Variants in ERBB4 observed in about 807,000 individuals in gnomAD.
The protein encoded by ERBB4 is receptor tyrosine-protein kinase erbB-4.
A neutral mutation model predicts 158.0 loss-of-function variants in ERBB4; 42 were observed. The ratio of observed to expected loss-of-function variants is 0.27; its 90% CI spans 0.21 to 0.34. The LOEUF is 0.34. ERBB4 is among the 10% of genes least tolerant of loss of function. The pLI is 1.00. For missense variants in ERBB4, 1,333 were observed against 1,624.1 expected (o/e 0.82, Z 3.08); for synonymous variants, 583 against 558.7 (o/e 1.04, Z -0.61).
At chr2:211,625,950 C>A (rs2069826175) in intron 17 of ERBB4, among the ~76,000 whole-genome samples, 1 of 152,090 alleles carries the variant, frequency 6.6e-6, no homozygotes, top group Non-Finnish European at 1.5e-5. Context: ...TCTTGGGTAT[C>A]ATTTAATATA....
rs929114975 is a variant in ERBB4 at position 211,771,684 on chromosome 2, C to T, written c.556+16341G>A. Among the ~76,000 whole-genome samples, 8 of 152,132 alleles carry T rather than the reference C, an allele frequency of 5.3e-5. No individual in the cohort carries two copies. The East Asian group carries it at 1.4e-3, about 26-fold the overall frequency. On this transcript the variant is annotated intron_variant, in intron 4 of 27. Transcript: ENST00000342788. Reference sequence around the variant, plus strand: ...CTAAGCTGCCCTACCCCTAAAGAGGCTAAAGTGATTGTTCTTTCTTGCGAA... The same window carrying T: ...CTAAGCTGCCCTACCCCTAAAGAGGTTAAAGTGATTGTTCTTTCTTGCGAA...
chr2:212,214,002 G>C (rs892616913), intron 1 of ERBB4, among the ~76,000 whole-genome samples: 1 of 151,860 alleles, frequency 6.6e-6, no homozygotes, highest in Non-Finnish European at 1.5e-5. Context: ...TGCAAGGACA[G>C]TGCTAGGACT....
chr2:211,737,738 T>C (rs1263668912), intron 5 of ERBB4, among the ~76,000 whole-genome samples: 1 of 152,188 alleles, frequency 6.6e-6, no homozygotes, highest in East Asian at 1.9e-4. Flanking sequence ...TAACATGCAG[T>C]GAACATTATA....
intron 1 of ERBB4, among the ~76,000 whole-genome samples, chr2:212,227,837 T>G (rs999479968): frequency 6.6e-6 from 1 of 151,270 alleles, no homozygotes; most frequent in African/African-American, 2.4e-5. Context: ...AAAAAAAAAG[T>G]CTTATGGGAA....
At chr2:211,466,017 T>C (rs1440628829) in intron 20 of ERBB4, among the ~76,000 whole-genome samples, 1 of 152,160 alleles carries the variant, frequency 6.6e-6, no homozygotes, top group African/African-American at 2.4e-5. Context: ...ATTAAGGTCT[T>C]GTTTGGAAGC....
At position 211,928,415 on chromosome 2, in the gene ERBB4, A is replaced by G. The variant is rs142662585; in HGVS notation, c.421+19015T>C. On this transcript the variant is annotated intron_variant, in intron 3 of 27. Transcript: ENST00000342788. ...GGCAACGTGAACACCAGAGGACTGC[A>G]CCTGTTTGTTCACTGTTATCAAATG... is the stretch of plus-strand genomic sequence containing the variant. 1.8e-3 allele frequency among the ~76,000 whole-genome samples: 280 copies of G among 152,242 alleles called. 1 individual carries two copies. Among genetic ancestry groups the G allele is most frequent in the Middle Eastern group, 0.01 (3 of 294 alleles).
intron 20 of ERBB4, among the ~76,000 whole-genome samples, chr2:211,560,343 C>T (rs1044410093): frequency 8.0e-6 from 1 of 124,696 alleles, no homozygotes; most frequent in African/African-American, 3.1e-5. Flanking sequence ...GGTGTGATCT[C>T]GGCTCACCAC....
chr2:211,780,103 T>C lies in ERBB4; in HGVS notation c.556+7922A>G, dbSNP rs577069446. ...AAGGCTGGGCGCAGTGGCTCATGCC[T>C]GTAATCTTAGCACTTTGTGAGGCTG... is the stretch of plus-strand genomic sequence containing the variant. On this transcript the variant is annotated intron_variant, in intron 4 of 27. Coordinates refer to ENST00000342788, the MANE Select transcript of ERBB4 (RefSeq NM_005235.3). Among the ~76,000 whole-genome samples the C allele has an allele frequency of 5.3e-5, 8 of 152,342 alleles. No individual in the cohort carries two copies. The South Asian group carries it at 1.7e-3, about 32-fold the overall frequency.
intron 1 of ERBB4, among the ~76,000 whole-genome samples, chr2:212,299,074 C>A (rs542368449): frequency 2.0e-5 from 3 of 151,732 alleles, no homozygotes; most frequent in Admixed American, 6.6e-5. Flanking sequence ...TCTCATTTAA[C>A]CCTCATTATA....
At chr2:212,128,614 C>A (rs1559552215) in intron 1 of ERBB4, among the ~76,000 whole-genome samples, 1 of 152,140 alleles carries the variant, frequency 6.6e-6, no homozygotes, top group Non-Finnish European at 1.5e-5. Context: ...TTGGCCCCAC[C>A]TGCTAAAATG....
chr2:212,238,934 A>G (rs1353525268), intron 1 of ERBB4, among the ~76,000 whole-genome samples: 1 of 152,324 alleles, frequency 6.6e-6, no homozygotes, highest in East Asian at 1.9e-4. Flanking sequence ...AATCTTCATG[A>G]AAAGAATAAT....
chr2:211,810,662 CTTTTTTTTT>C (rs59305629), intron 3 of ERBB4, among the ~76,000 whole-genome samples: 3 of 101,522 alleles, frequency 3.0e-5, no homozygotes, highest in South Asian at 3.6e-4. Flanking sequence ...CAGTCTCTGT[CTTTTTTTTT>C]TTTTTTTTTT....
chr2:211,826,735 C>T (rs898465518), intron 3 of ERBB4, among the ~76,000 whole-genome samples: 2 of 151,938 alleles, frequency 1.3e-5, no homozygotes, highest in African/African-American at 4.8e-5. Flanking sequence ...CAAAAGGATA[C>T]ACCAATATAA....
intron 2 of ERBB4, among the ~76,000 whole-genome samples, chr2:212,087,262 T>C (rs1331745281): frequency 6.8e-6 from 1 of 146,040 alleles, no homozygotes; most frequent in East Asian, 2.1e-4. Context: ...TTTTCCTATG[T>C]TGCTTAGAGA....
intron 19 of ERBB4, among the ~76,000 whole-genome samples, chr2:211,605,239 G>T (rs958438530): frequency 6.6e-6 from 1 of 152,142 alleles, no homozygotes; most frequent in Non-Finnish European, 1.5e-5. Flanking sequence ...GGGCAATGGT[G>T]CCTAAGCCCT....
chr2:211,717,366 C>A (rs368868292), intron 7 of ERBB4, among the ~76,000 whole-genome samples: 1 of 152,088 alleles, frequency 6.6e-6, no homozygotes, highest in South Asian at 2.1e-4. Context: ...GATGCAAAAT[C>A]TTTGCTGTCT....
intron 15 of ERBB4, among the ~76,000 whole-genome samples, chr2:211,659,439 C>T (rs760578716): frequency 6.6e-6 from 1 of 151,922 alleles, no homozygotes; most frequent in Non-Finnish European, 1.5e-5. Flanking sequence ...TCCAATTTGT[C>T]TTATATAGTT....
intron 3 of ERBB4, among the ~76,000 whole-genome samples, chr2:211,815,945 C>T (rs2076873055): frequency 6.6e-6 from 1 of 152,096 alleles, no homozygotes; most frequent in African/African-American, 2.4e-5. Flanking sequence ...AGCTGCCTCC[C>T]TGGGAGTGTT....
intron 1 of ERBB4, among the ~76,000 whole-genome samples, chr2:212,424,685 T>A (rs1314026839): frequency 6.6e-6 from 1 of 152,094 alleles, no homozygotes; most frequent in Non-Finnish European, 1.5e-5. Flanking sequence ...TAAAACTAGA[T>A]TACCCTGGAT....
Sources: gnomAD v4.1 joint callset for allele counts (sites outside exome capture counted in the v4.1 genomes callset) on GRCh38, gnomAD v4.1.1 for gene constraint, MANE v1.5 for transcripts, NCBI Gene and HGNC (gene_info 2026-07-23, HGNC 2026-07-21) for gene names.